Variants in SLC60A1 observed in about 807,000 individuals in gnomAD.
SLC60A1 encodes the protein major facilitator superfamily domain containing 4.
At chr1:205,592,318 CTCTA>C in the SLC60A1 span, 7 of 1,593,318 alleles carry the variant, frequency 4.4e-6, no homozygotes, top group African/African-American at 2.7e-5. Context: ...AGGAGGCGCG[CTCTA>C]TCTAGCTGGG....
chr1:205,569,629 G>A, the SLC60A1 span, among the ~76,000 whole-genome samples: 3 of 151,912 alleles, frequency 2.0e-5, no homozygotes, highest in African/African-American at 7.2e-5. Context: ...CCCGTGGGGA[G>A]AGGAGTGATA....
At chr1:205,586,252 G>A in the SLC60A1 span, 13 of 1,606,272 alleles carry the variant, frequency 8.1e-6, no homozygotes, top group Non-Finnish European at 1.1e-5. Context: ...AGACCCAGGA[G>A]AAGCCGCCTC....
chr1:205,577,287 C>T, the SLC60A1 span, among the ~76,000 whole-genome samples: 6 of 148,358 alleles, frequency 4.0e-5, no homozygotes, highest in African/African-American at 1.5e-4. This position sits in a 1 kb window ranked among gnomAD's most constrained non-coding sequence, Gnocchi z 5.2. Context: ...CCAGCAGTGC[C>T]CAGTCCCTTC....
At chr1:205,570,384 A>G in the SLC60A1 span, among the ~76,000 whole-genome samples, 1 of 152,072 alleles carries the variant, frequency 6.6e-6, no homozygotes, top group Non-Finnish European at 1.5e-5. Context: ...GGCCTGGAGA[A>G]AAAACCGCAG....
At chr1:205,584,349 GT>G in the SLC60A1 span, among the ~76,000 whole-genome samples, 1 of 150,654 alleles carries the variant, frequency 6.6e-6, no homozygotes, top group African/African-American at 2.4e-5. Context: ...AGCCTCCCAA[GT>G]TGCGGGGATT....
the SLC60A1 span, chr1:205,569,018 C>G: frequency 7.8e-7 from 1 of 1,278,858 alleles, no homozygotes; most frequent in East Asian, 3.3e-5. Context: ...GCGGGCGGCA[C>G]TCGGGCACCG....
At chr1:205,583,547 C>T in the SLC60A1 span, among the ~76,000 whole-genome samples, 1 of 152,116 alleles carries the variant, frequency 6.6e-6, no homozygotes, top group African/African-American at 2.4e-5. Context: ...GATAACATCC[C>T]CCAGCATGTT....
At chr1:205,600,635 A>C in the SLC60A1 span, 4 of 611,646 alleles carry the variant, frequency 6.5e-6, no homozygotes, top group Non-Finnish European at 1.2e-5. Context: ...CCTGGTCAAA[A>C]TCATTAGAAG....
the SLC60A1 span, among the ~76,000 whole-genome samples, chr1:205,569,493 T>TCCCC: frequency 2.0e-5 from 1 of 49,006 alleles, no homozygotes; most frequent in African/African-American, 8.0e-5. Flanking sequence ...CCTCCCTCCC[T>TCCCC]CCCCCGCAGC....
At chr1:205,578,793 G>A in the SLC60A1 span, among the ~76,000 whole-genome samples, 1 of 152,146 alleles carries the variant, frequency 6.6e-6, no homozygotes, top group Non-Finnish European at 1.5e-5. Flanking sequence ...GATGGGGTGG[G>A]GGGCTCTCTC....
chr1:205,591,853 A>G, the SLC60A1 span, among the ~76,000 whole-genome samples: 14 of 152,344 alleles, frequency 9.2e-5, no homozygotes, highest in African/African-American at 3.1e-4. Context: ...GGTAGTCCTC[A>G]GTCCCCAAAT....
At chr1:205,599,328 A>G in the SLC60A1 span, 9 of 1,565,104 alleles carry the variant, frequency 5.8e-6, no homozygotes, top group Non-Finnish European at 6.1e-6. Flanking sequence ...AGGAGATGCT[A>G]TGGATCTTAA....
At chr1:205,577,547 C>A in the SLC60A1 span, among the ~76,000 whole-genome samples, 1 of 152,198 alleles carries the variant, frequency 6.6e-6, no homozygotes. This position sits in a 1 kb window ranked among gnomAD's most constrained non-coding sequence, Gnocchi z 5.2. Flanking sequence ...GTTCTAGAGA[C>A]CGCAGCTGCT....
At chr1:205,597,648 T>C in the SLC60A1 span, 3 of 834,594 alleles carry the variant, frequency 3.6e-6, no homozygotes, top group Non-Finnish European at 4.0e-6. Context: ...CTCCCACTTC[T>C]GACTCCTAAA....
the SLC60A1 span, chr1:205,584,102 C>T: frequency 6.2e-7 from 1 of 1,613,920 alleles, no homozygotes; most frequent in East Asian, 2.2e-5. Flanking sequence ...CTCACTGCCC[C>T]CAAAGTTTCA....
the SLC60A1 span, chr1:205,597,663 T>C: frequency 3.0e-6 from 3 of 1,005,192 alleles, no homozygotes; most frequent in Non-Finnish European, 4.7e-6. Flanking sequence ...CCTAAAGTAC[T>C]GGGATGTGCC....
At chr1:205,584,190 C>A in the SLC60A1 span, 2 of 1,463,286 alleles carry the variant, frequency 1.4e-6, no homozygotes, top group South Asian at 1.3e-5. Flanking sequence ...ACCCCTCTCC[C>A]AGAGAGAGTG....
the SLC60A1 span, among the ~76,000 whole-genome samples, chr1:205,589,775 A>G: frequency 6.6e-6 from 1 of 152,084 alleles, no homozygotes; most frequent in African/African-American, 2.4e-5. Flanking sequence ...TTAAAAGTGC[A>G]CTCCAGTGTG....
At chr1:205,585,242 G>A in the SLC60A1 span, among the ~76,000 whole-genome samples, 17 of 152,130 alleles carry the variant, frequency 1.1e-4, no homozygotes, top group African/African-American at 3.4e-4. This position sits in a 1 kb window ranked among gnomAD's most constrained non-coding sequence, Gnocchi z 4.2. Context: ...AATGCTATAG[G>A]TAGGGGCCTA....
Sources: allele counts gnomAD v4.1 joint callset (sites outside exome capture counted in the v4.1 genomes callset), GRCh38; gene constraint gnomAD v4.1.1; non-coding constraint Gnocchi (gnomAD v3.1); transcripts MANE v1.5; gene names NCBI Gene and HGNC (gene_info 2026-07-23, HGNC 2026-07-21).